The following SH3RF2 variants were observed in gnomAD, a reference collection of about 807,000 sequenced individuals.
SH3RF2 encodes the protein SH3 domain containing ring finger 2.
A neutral mutation model predicts 59.0 loss-of-function variants in SH3RF2; 43 were observed. The observed-to-expected ratio is 0.73, with a 90% CI of 0.57 to 0.94. The LOEUF (loss-of-function observed/expected upper bound fraction) is 0.94. Ranked by LOEUF, SH3RF2 falls within the 40% of genes least tolerant of loss-of-function variation. The pLI is 0.00. For missense variants in SH3RF2, 930 were observed against 940.1 expected (o/e 0.99, Z 0.14); for synonymous variants, 391 against 391.5 (o/e 1.00, Z 0.01).
chr5:146,066,328 A>T (rs1370733885), downstream of SH3RF2, among the ~76,000 whole-genome samples: 1 of 152,212 alleles, frequency 6.6e-6, no homozygotes, highest in African/African-American at 2.4e-5. Context: ...TGGCCATGGG[A>T]TGTCAGGCCA....
intron 3 of SH3RF2, among the ~76,000 whole-genome samples, chr5:146,002,225 C>T (rs1295479485): frequency 3.9e-5 from 6 of 152,056 alleles, no homozygotes; most frequent in Non-Finnish European, 7.4e-5. Flanking sequence ...CCGCGGCAGG[C>T]GGATCACTTG....
chr5:146,036,484 C>A (rs1761941290), intron 5 of SH3RF2, among the ~76,000 whole-genome samples: 1 of 152,052 alleles, frequency 6.6e-6, no homozygotes, highest in South Asian at 2.1e-4. Context: ...CACTTGAGGT[C>A]AGGAGTTCGA....
intron 5 of SH3RF2, among the ~76,000 whole-genome samples, chr5:146,029,707 A>G (rs1461782215): frequency 6.6e-6 from 1 of 152,180 alleles, no homozygotes; most frequent in Non-Finnish European, 1.5e-5. Flanking sequence ...GTTTTCATAG[A>G]AAAACAAGAT....
At chr5:146,075,839 G>T (rs1763332189) in intron 9 of SH3RF2, among the ~76,000 whole-genome samples, 2 of 150,364 alleles carry the variant, frequency 1.3e-5, no homozygotes, top group Non-Finnish European at 2.9e-5. Context: ...ACATCAGGGG[G>T]TTTTGGTGAT....
intron 2 of SH3RF2, among the ~76,000 whole-genome samples, chr5:145,987,414 A>G (rs963419806): frequency 3.3e-5 from 5 of 152,304 alleles, no homozygotes; most frequent in African/African-American, 1.2e-4. Context: ...TAGCTCCCAC[A>G]TATCAGTGAG....
intron 2 of SH3RF2, among the ~76,000 whole-genome samples, chr5:145,962,317 T>C (rs1758661328): frequency 6.6e-6 from 1 of 152,152 alleles, no homozygotes; most frequent in Non-Finnish European, 1.5e-5. Context: ...GCGACAAATA[T>C]CTCAGTAAGA....
intron 2 of SH3RF2, among the ~76,000 whole-genome samples, chr5:145,948,966 T>G (rs1758094120): frequency 6.6e-6 from 1 of 152,232 alleles, no homozygotes; most frequent in South Asian, 2.1e-4. Flanking sequence ...ACTTAATTAT[T>G]GAATGCATAA....
intron 5 of SH3RF2, among the ~76,000 whole-genome samples, chr5:146,045,779 G>A (rs2150012984): frequency 6.6e-6 from 1 of 152,348 alleles, no homozygotes; most frequent in African/African-American, 2.4e-5. Flanking sequence ...GAATAATGCT[G>A]CTGAAACATT....
intron 3 of SH3RF2, among the ~76,000 whole-genome samples, chr5:146,003,050 G>A (rs1475855480): frequency 6.6e-6 from 1 of 152,158 alleles, no homozygotes; most frequent in African/African-American, 2.4e-5. Context: ...AATTCCTGAG[G>A]AGCATGGAAC....
In SH3RF2 at chr5:145,938,054, G is replaced by A. The variant is rs200019260; in HGVS notation, c.126G>A (p.Lys42=). The change falls in exon 2 of 10, where the codon AAG becomes AAA. Residue 42 remains lysine, a synonymous_variant. Coordinates refer to ENST00000359120, the MANE Select transcript of SH3RF2 (RefSeq NM_152550.4). ...AACCATGTCTACAGAGGGTTTTCAA[G>A]GCCCACAAAGAGCTGCGGTGCCCCG... ...FCKPCLQRVF[K]AHKELRCPEC... The A allele has an allele frequency of 6.2e-7, 1 of 1,614,230 alleles. No homozygotes were observed. The highest frequency in any genetic ancestry group is 1.3e-5 in the African/African-American group (1 of 75,058).
At chr5:146,064,099 G>T (rs1762987962), downstream of SH3RF2, among the ~76,000 whole-genome samples, 1 of 152,064 alleles carries the variant, frequency 6.6e-6, no homozygotes, top group Non-Finnish European at 1.5e-5. Context: ...CTATAAAAAG[G>T]GTAGGACAAA....
chr5:145,946,194 C>A (rs901902870), intron 2 of SH3RF2, among the ~76,000 whole-genome samples: 1 of 152,210 alleles, frequency 6.6e-6, no homozygotes, highest in Non-Finnish European at 1.5e-5. Flanking sequence ...ATGTACCAGG[C>A]TCTGTCTTGA....
At chr5:146,074,117 G>T (rs1763294361) in intron 9 of SH3RF2, among the ~76,000 whole-genome samples, 1 of 144,378 alleles carries the variant, frequency 6.9e-6, no homozygotes, top group Admixed American at 7.2e-5. Flanking sequence ...TTGGCTCACT[G>T]CAAGCTCCGC....
intron 4 of SH3RF2, among the ~76,000 whole-genome samples, chr5:146,011,297 T>A (rs535573058): frequency 2.6e-5 from 4 of 152,324 alleles, no homozygotes; most frequent in Admixed American, 2.6e-4. Flanking sequence ...GTAGTATAGT[T>A]TGAAGTCAGG....
intron 4 of SH3RF2, among the ~76,000 whole-genome samples, chr5:146,011,081 T>C (rs1760871553): frequency 6.6e-6 from 1 of 152,194 alleles, no homozygotes; most frequent in South Asian, 2.1e-4. Context: ...GGGATCCAGT[T>C]TCAGCTTTCT....
chr5:145,968,134 A>G lies in SH3RF2; in HGVS notation c.378+29828A>G, dbSNP rs895801212. 2.6e-5 allele frequency among the ~76,000 whole-genome samples: 4 copies of G among 152,238 alleles called. 1 individual carries two copies. On this transcript the variant is annotated intron_variant, in intron 2 of 9. Transcript: ENST00000359120. Reference sequence around the variant, plus strand: ...ATTCTCCAGAGGGTCCATGATACCCAAATGTTAAAAAGTTTGCCTAATCTA... The same window carrying G: ...ATTCTCCAGAGGGTCCATGATACCCGAATGTTAAAAAGTTTGCCTAATCTA...
intron 7 of SH3RF2, among the ~76,000 whole-genome samples, chr5:146,052,696 T>A (rs1482994185): frequency 1.3e-5 from 2 of 152,178 alleles, no homozygotes; most frequent in African/African-American, 4.8e-5. Context: ...ATCTCCCACA[T>A]GAATGATACA....
At chr5:145,965,136 T>A (rs922872022) in intron 2 of SH3RF2, among the ~76,000 whole-genome samples, 4 of 151,808 alleles carry the variant, frequency 2.6e-5, no homozygotes, top group Admixed American at 6.6e-5. Context: ...GAGGTTGCAA[T>A]GAGCTGAGAT....
At chr5:146,042,302 ACCCCACCCACTCTGT>A (rs937412683) in intron 5 of SH3RF2, among the ~76,000 whole-genome samples, 2 of 152,264 alleles carry the variant, frequency 1.3e-5, no homozygotes, top group Admixed American at 1.3e-4. Context: ...CATAAAAGGC[ACCCCACCCACTCTGT>A]CCCCACCCTA....
Sources: gnomAD v4.1 joint callset for allele counts (sites outside exome capture counted in the v4.1 genomes callset) on GRCh38, gnomAD v4.1.1 for gene constraint, MANE v1.5 for transcripts, NCBI Gene and HGNC (gene_info 2026-07-23, HGNC 2026-07-21) for gene names.